The following RANBP17 variants were observed in gnomAD, a reference collection of about 807,000 sequenced individuals.
The protein encoded by RANBP17 is RAN binding protein 17.
In RANBP17, 158 loss-of-function variants were observed where a neutral mutation model predicts 141.2. The ratio of observed to expected loss-of-function variants is 1.12; its 90% CI spans 0.98 to 1.28. RANBP17 has a LOEUF of 1.28. Ranked by LOEUF, RANBP17 falls within the 50% of genes most tolerant of loss-of-function variation. The pLI, the probability that RANBP17 is intolerant of heterozygous loss-of-function variation, is 0.00. For synonymous variants in RANBP17, 430 were observed against 450.0 expected, an observed-to-expected ratio of 0.96 and a Z score of 0.56; for missense variants, 1,438 against 1,290.7, an observed-to-expected ratio of 1.11 and a Z score of -1.75.
intron 7 of RANBP17, among the ~76,000 whole-genome samples, chr5:170,911,587 T>A (rs1581126862): frequency 6.6e-6 from 1 of 151,542 alleles, no homozygotes; most frequent in South Asian, 2.1e-4. Context: ...GGCAGTTCAA[T>A]AGGTGATTCT....
At chr5:170,892,767 A>G (rs1329829902) in intron 4 of RANBP17, among the ~76,000 whole-genome samples, 4 of 152,206 alleles carry the variant, frequency 2.6e-5, no homozygotes, top group African/African-American at 9.7e-5. Context: ...GTAAATAATC[A>G]TGTTTTCTAA....
Position 171,298,837 on chromosome 5 carries a change from C to T in RANBP17, c.3246C>T (p.Cys1082=), listed in dbSNP as rs2128048731. ...ALRSDGNTEP[C]SLDMMS The stretch of plus-strand genomic sequence containing the variant: ...GCAGTGATGGCAACACTGAACCATG[C>T]AGTCTCGACATGATGAGCTGACCCG... The change falls in exon 28 of 28, where the codon TGC becomes TGT. Residue 1082 remains cysteine, a synonymous_variant. Transcript: ENST00000523189. The T allele has an allele frequency of 6.2e-7, 1 of 1,613,940 alleles. No homozygotes were observed. Among genetic ancestry groups the T allele is most frequent in the Admixed American group, 1.7e-5 (1 of 60,020 alleles).
chr5:171,001,903 G>A (rs776966003), intron 14 of RANBP17, among the ~76,000 whole-genome samples: 47 of 152,278 alleles, frequency 3.1e-4, no homozygotes, highest in African/African-American at 1.1e-3. Flanking sequence ...TACCCATCCA[G>A]TGAAAGCATC....
intron 14 of RANBP17, among the ~76,000 whole-genome samples, chr5:171,019,645 C>A (rs936134362): frequency 2.0e-5 from 3 of 151,788 alleles, no homozygotes; most frequent in Admixed American, 6.6e-5. Context: ...TGATTCTTCT[C>A]TCTTTTCTTC....
rs556531931 is a variant in RANBP17 at position 171,119,911 on chromosome 5, T to A, written c.1711-50219T>A. Among the ~76,000 whole-genome samples the A allele has an allele frequency of 3.3e-5, 5 of 151,882 alleles. No individual in the cohort carries two copies. In the South Asian group the frequency reaches 8.3e-4, roughly 25 times the overall value. ...AAAATTAGCCGGGCATGGTGACACA[T>A]GCCTGTAATCCCAGCTACTCGGGAG... On this transcript the variant is annotated intron_variant, in intron 14 of 27. Transcript: ENST00000523189.
At chr5:171,048,118 G>A (rs190301260) in intron 14 of RANBP17, among the ~76,000 whole-genome samples, 21 of 152,202 alleles carry the variant, frequency 1.4e-4, no homozygotes, top group Middle Eastern at 3.4e-3. Context: ...CCTGGAGTGC[G>A]ATGACACAAT....
chr5:170,982,661 G>T (rs896674260), intron 14 of RANBP17, among the ~76,000 whole-genome samples: 1 of 152,100 alleles, frequency 6.6e-6, no homozygotes, highest in Non-Finnish European at 1.5e-5. Flanking sequence ...GGGAGTTCCA[G>T]TAAGAGAAAA....
intron 14 of RANBP17, among the ~76,000 whole-genome samples, chr5:171,137,519 A>G (rs1359379923): frequency 2.6e-5 from 4 of 151,582 alleles, no homozygotes; most frequent in Admixed American, 2.6e-4. Context: ...GTATGAAGCC[A>G]TATAAGAGAA....
chr5:171,065,454 C>T (rs1010668669), intron 14 of RANBP17, among the ~76,000 whole-genome samples: 1 of 152,114 alleles, frequency 6.6e-6, no homozygotes, highest in Non-Finnish European at 1.5e-5. Context: ...AATGCTGCTG[C>T]TGACCTGAGA....
At chr5:171,022,602 G>A (rs1356031728) in intron 14 of RANBP17, among the ~76,000 whole-genome samples, 2 of 152,216 alleles carry the variant, frequency 1.3e-5, no homozygotes, top group African/African-American at 2.4e-5. Flanking sequence ...GTTGGGCTGT[G>A]GGAGACATGT....
rs548547099 is a variant in RANBP17 at position 171,060,936 on chromosome 5, C to A, written c.1710+92559C>A. On this transcript the variant is annotated intron_variant, in intron 14 of 27. Transcript: ENST00000523189. ...AATTTATCCATTTCTTCTAGATTTTCTAGTTTATTTGCGTAGAGGTGTTTA... is the reference window on the plus strand; with the variant it reads ...AATTTATCCATTTCTTCTAGATTTTATAGTTTATTTGCGTAGAGGTGTTTA... Among the ~76,000 whole-genome samples the A allele has an allele frequency of 2.3e-3, 290 of 125,786 alleles. 1 individual carries two copies. Among genetic ancestry groups the A allele is most frequent in the African/African-American group, 8.0e-3 (271 of 33,702 alleles). 82.5% of individuals were successfully genotyped at this position (125,786 alleles called of 152,430 possible). A position where few individuals can be genotyped will look rare whatever the true frequency, so the allele number is the denominator to read the frequency against.
At chr5:171,057,992 C>A (rs1160848423) in intron 14 of RANBP17, among the ~76,000 whole-genome samples, 1 of 152,006 alleles carries the variant, frequency 6.6e-6, no homozygotes, top group Non-Finnish European at 1.5e-5. Context: ...GTTGGAGATA[C>A]ATATTTTAGA....
rs70982330 is a variant in RANBP17 at position 171,277,637 on chromosome 5, G to GTATATATATATATATATATA, written c.2943+11802_2943+11821dup. Among the ~76,000 whole-genome samples, 181 of 56,856 alleles carry GTATATATATATATATATATA rather than the reference G, an allele frequency of 3.2e-3. 2 individuals carry two copies. Among genetic ancestry groups the GTATATATATATATATATATA allele is most frequent in the East Asian group, 4.4e-3 (5 of 1,140 alleles). The allele number at this position is 56,856 out of a possible 152,430, so 37.3% of individuals were successfully genotyped here. On this transcript the variant is annotated intron_variant, in intron 25 of 27. Transcript: ENST00000523189. ...GTGCCTTACGTATACATATATGTAT[G>GTATATATATATATATATATA]TATATATATATATATATATATATAT...
intron 25 of RANBP17, among the ~76,000 whole-genome samples, chr5:171,273,760 A>G (rs909323343): frequency 7.2e-5 from 11 of 152,234 alleles, no homozygotes; most frequent in African/African-American, 2.2e-4. Context: ...TATTTCTCAC[A>G]GCCAACCCAA....
chr5:171,013,063 A>G (rs563174849), intron 14 of RANBP17, among the ~76,000 whole-genome samples: 1 of 152,332 alleles, frequency 6.6e-6, no homozygotes, highest in East Asian at 1.9e-4. Context: ...CTCAGAAGAC[A>G]TATTGCATTG....
chr5:170,875,893 G>A (rs919886635), intron 1 of RANBP17, among the ~76,000 whole-genome samples: 5 of 152,056 alleles, frequency 3.3e-5, no homozygotes, highest in African/African-American at 7.3e-5. Context: ...GTCTAGTTTC[G>A]ATCTTTGAGG....
At chr5:171,057,833 T>C (rs1042527895) in intron 14 of RANBP17, among the ~76,000 whole-genome samples, 1 of 151,992 alleles carries the variant, frequency 6.6e-6, no homozygotes, top group Non-Finnish European at 1.5e-5. Flanking sequence ...GAACTCACTA[T>C]CACAAGAACA....
At chr5:171,172,452 C>T (rs1760163478) in intron 16 of RANBP17, among the ~76,000 whole-genome samples, 1 of 150,966 alleles carries the variant, frequency 6.6e-6, no homozygotes, top group Non-Finnish European at 1.5e-5. Context: ...TTCCTTTTTA[C>T]TGGAAAGTGA....
At chr5:170,968,168 T>C in intron 13 of RANBP17, 74 bp from the exon 14 acceptor site, 1 of 1,056,542 alleles carries the variant, frequency 9.5e-7, no homozygotes, top group Non-Finnish European at 1.3e-6. Flanking sequence ...ATATTACATT[T>C]ATGGTAAATG....
Sources: allele counts gnomAD v4.1 joint callset (sites outside exome capture counted in the v4.1 genomes callset), GRCh38; gene constraint gnomAD v4.1.1; transcripts MANE v1.5; gene names NCBI Gene and HGNC (gene_info 2026-07-23, HGNC 2026-07-21).